The following BRINP3 variants were observed in gnomAD, a reference collection of about 807,000 sequenced individuals.
BRINP3 encodes BMP/retinoic acid-inducible neural-specific protein 3.
BRINP3 carries 19 observed loss-of-function variants against 71.0 expected under a neutral mutation model. The ratio of observed to expected loss-of-function variants is 0.27; its 90% CI spans 0.19 to 0.39. BRINP3 has a LOEUF of 0.39. BRINP3 is among the 10% of genes least tolerant of loss of function. The probability of loss-of-function intolerance (pLI) is 1.00; values close to 1 mark genes in which losing one functional copy is unlikely to be tolerated. For missense variants in BRINP3, 959 were observed against 940.8 expected (o/e 1.02, Z -0.25); for synonymous variants, 380 against 337.7 (o/e 1.13, Z -1.37).
intron 6 of BRINP3, among the ~76,000 whole-genome samples, chr1:190,187,806 G>C (rs1410421104): frequency 2.0e-5 from 3 of 151,848 alleles, no homozygotes; most frequent in African/African-American, 4.8e-5. Flanking sequence ...TTTGAGGTCA[G>C]ATAGTGTGAT....
rs180673149 is a variant in BRINP3, at chr1:190,221,277, T to C, written c.961+4805A>G. ...AACTAAAAGTAAACATGTGGGTGAG[T>C]GGAGTTAAAGTGTAAAATTTTTTGT... On this transcript the variant is annotated intron_variant, in intron 6 of 7. Coordinates refer to ENST00000367462, the MANE Select transcript of BRINP3 (RefSeq NM_199051.3). 3.0e-4 allele frequency among the ~76,000 whole-genome samples: 46 copies of C among 151,958 alleles called. No homozygotes were observed. The East Asian group carries it at 8.6e-3, about 28-fold the overall frequency.
intron 4 of BRINP3, among the ~76,000 whole-genome samples, chr1:190,239,143 C>A (rs1277847495): frequency 2.0e-5 from 3 of 152,076 alleles, no homozygotes; most frequent in Admixed American, 2.0e-4. Context: ...ACCCATGATC[C>A]AATCACCTCC....
At position 190,348,772 on chromosome 1, in the gene BRINP3, T is replaced by C. The variant is rs4462144; in HGVS notation, c.237-67022A>G. ...ACCCAGAGTAGGCAATTTGTATTTA[T>C]TCAGGTATAGCAGACACACTTCTTC... is the stretch of plus-strand genomic sequence containing the variant. On this transcript the variant is annotated intron_variant, in intron 2 of 7. Coordinates refer to ENST00000367462, the MANE Select transcript of BRINP3 (RefSeq NM_199051.3). Among the ~76,000 whole-genome samples the C allele has an allele frequency of 8.7e-3, 1,332 of 152,280 alleles. 13 individuals are homozygous for C. The highest frequency in any genetic ancestry group is 0.029 in the African/African-American group (1,222 of 41,576).
Position 190,467,450 on chromosome 1 carries a change from A to G in BRINP3, c.-51+9998T>C, listed in dbSNP as rs747883223. Among the ~76,000 whole-genome samples, 3 of 151,512 alleles carry G rather than the reference A, an allele frequency of 2.0e-5. No homozygotes were observed. The South Asian group carries it at 6.2e-4, about 31-fold the overall frequency. ...TTAAATCTTTATATGCTGTTTTCCAATTGCCTCCTTAACTGCCATCTAGTA... is the reference window on the plus strand; with the variant it reads ...TTAAATCTTTATATGCTGTTTTCCAGTTGCCTCCTTAACTGCCATCTAGTA... On this transcript the variant is annotated intron_variant, in intron 1 of 7. Transcript: ENST00000367462.
chr1:190,467,922 C>T (rs1235593611), intron 1 of BRINP3, among the ~76,000 whole-genome samples: 3 of 151,348 alleles, frequency 2.0e-5, no homozygotes, highest in Non-Finnish European at 4.4e-5. Context: ...TGAGACATTA[C>T]GATATCTGAC....
intron 6 of BRINP3, among the ~76,000 whole-genome samples, chr1:190,188,296 C>T (rs1270736421): frequency 2.6e-5 from 4 of 152,102 alleles, no homozygotes; most frequent in African/African-American, 9.7e-5. Flanking sequence ...GTACATAGAT[C>T]ATGTTGTCTG....
At chr1:190,338,555 T>C (rs1667440748) in intron 2 of BRINP3, among the ~76,000 whole-genome samples, 1 of 151,966 alleles carries the variant, frequency 6.6e-6, no homozygotes, top group Admixed American at 6.6e-5. Context: ...TAGACCAGAA[T>C]ATGGAAAGAA....
intron 6 of BRINP3, among the ~76,000 whole-genome samples, chr1:190,162,479 T>G (rs1156474180): frequency 6.6e-6 from 1 of 152,130 alleles, no homozygotes; most frequent in Non-Finnish European, 1.5e-5. Context: ...ATATTTTATT[T>G]GGTCCCATTT....
intron 1 of BRINP3, among the ~76,000 whole-genome samples, chr1:190,464,447 C>T (rs984317422): frequency 2.6e-5 from 4 of 151,902 alleles, no homozygotes; most frequent in African/African-American, 9.6e-5. Context: ...CTTTTTAACA[C>T]CTTTGTTCAT....
chr1:190,192,542 C>A (rs1654130200), intron 6 of BRINP3, among the ~76,000 whole-genome samples: 1 of 151,166 alleles, frequency 6.6e-6, no homozygotes, highest in Non-Finnish European at 1.5e-5. Flanking sequence ...TTCAAGGAAG[C>A]CTGCTCTTTA....
intron 2 of BRINP3, chr1:190,362,010 A>T (rs999608472): frequency 6.6e-6 from 1 of 152,098 alleles, no homozygotes; most frequent in Non-Finnish European, 1.5e-5. Context: ...AACTCTTATT[A>T]AAAAAGATAC....
intron 2 of BRINP3, among the ~76,000 whole-genome samples, chr1:190,358,996 C>T (rs1313402960): frequency 6.6e-6 from 1 of 151,928 alleles, no homozygotes; most frequent in Admixed American, 6.6e-5. Flanking sequence ...GAACATCACA[C>T]ACCAGCTCCT....
intron 2 of BRINP3, among the ~76,000 whole-genome samples, chr1:190,296,587 A>G (rs1664271488): frequency 6.6e-6 from 1 of 152,138 alleles, no homozygotes; most frequent in Non-Finnish European, 1.5e-5. Context: ...AGGCAAGAAA[A>G]ATAAATAAAA....
chr1:190,464,394 C>T lies in BRINP3; in HGVS notation c.-50-9454G>A, dbSNP rs1676601012. ...AGTAAGTAGAGACTGGATAGATTTT[C>T]ATTCATGAATCTTGTAAAATTTTAC... is the stretch of plus-strand genomic sequence containing the variant. On this transcript the variant is annotated intron_variant, in intron 1 of 7. Coordinates refer to ENST00000367462, the MANE Select transcript of BRINP3 (RefSeq NM_199051.3). 2.0e-5 allele frequency among the ~76,000 whole-genome samples: 3 copies of T among 151,978 alleles called. No individual in the cohort carries two copies. The South Asian group carries it at 6.2e-4, about 32-fold the overall frequency.
intron 4 of BRINP3, among the ~76,000 whole-genome samples, chr1:190,247,565 G>C (rs1472587624): frequency 6.6e-6 from 1 of 151,834 alleles, no homozygotes; most frequent in Non-Finnish European, 1.5e-5. Context: ...CAGAATGCCA[G>C]AACTCATCTA....
chr1:190,368,251 G>C (rs1278951388), intron 2 of BRINP3, among the ~76,000 whole-genome samples: 1 of 152,014 alleles, frequency 6.6e-6, no homozygotes, highest in Non-Finnish European at 1.5e-5. Flanking sequence ...TGGCAGCAAG[G>C]AGAAGTGCCA....
intron 2 of BRINP3, among the ~76,000 whole-genome samples, chr1:190,339,526 A>G (rs1667517552): frequency 2.0e-5 from 3 of 152,080 alleles, no homozygotes; most frequent in Middle Eastern, 3.4e-3. Flanking sequence ...ATTACGTTAA[A>G]CCAGTAAATT....
intron 2 of BRINP3, among the ~76,000 whole-genome samples, chr1:190,410,884 C>T (rs1391116066): frequency 6.6e-6 from 1 of 152,006 alleles, no homozygotes; most frequent in African/African-American, 2.4e-5. Context: ...AACTCAATAT[C>T]GCAAAGATGT....
chr1:190,444,234 C>T (rs747855143), intron 2 of BRINP3, among the ~76,000 whole-genome samples: 8 of 53,084 alleles, frequency 1.5e-4, no homozygotes, highest in Admixed American at 2.8e-4. Flanking sequence ...AGCAAAACTC[C>T]GTCTCAAAAA....
Sources: allele counts gnomAD v4.1 joint callset (sites outside exome capture counted in the v4.1 genomes callset), GRCh38; gene constraint gnomAD v4.1.1; transcripts MANE v1.5; gene names NCBI Gene and HGNC (gene_info 2026-07-23, HGNC 2026-07-21).